The following DPRX variants were observed in gnomAD, a reference collection of about 807,000 sequenced individuals.
The protein encoded by DPRX is divergent-paired related homeobox, also known as divergent paired-related homeobox.
In DPRX, 11 loss-of-function variants were observed where a neutral mutation model predicts 8.4. The ratio of observed to expected loss-of-function variants is 1.31; its 90% CI spans 0.82 to 2.17. The LOEUF is 2.17. Ranked by LOEUF, DPRX falls within the 30% of genes most tolerant of loss-of-function variation. The pLI is 0.00. For synonymous variants in DPRX, 72 were observed against 87.0 expected (o/e 0.83, Z 0.96); for missense variants, 211 against 236.7 (o/e 0.89, Z 0.71).
the DPRX span, among the ~76,000 whole-genome samples, chr19:53,605,972 T>C: frequency 6.6e-6 from 1 of 152,136 alleles, no homozygotes; most frequent in Non-Finnish European, 1.5e-5. Context: ...CCTAGTCCCA[T>C]TTTCCTGTTA....
the DPRX span, among the ~76,000 whole-genome samples, chr19:53,620,653 C>T: frequency 2.6e-5 from 4 of 152,080 alleles, no homozygotes; most frequent in East Asian, 5.8e-4. Context: ...GTGTGAGCCA[C>T]CCCGCCCGGG....
intron 1 of DPRX, among the ~76,000 whole-genome samples, chr19:53,633,343 C>T (rs977290251): frequency 2.6e-5 from 4 of 152,082 alleles, no homozygotes; most frequent in African/African-American, 4.8e-5. Flanking sequence ...CTGCTTATTT[C>T]CTTGCTATAT....
the DPRX span, among the ~76,000 whole-genome samples, chr19:53,609,013 G>A: frequency 1.2e-4 from 18 of 146,398 alleles, no homozygotes; most frequent in East Asian, 2.0e-4. Flanking sequence ...GAAAGAAAGC[G>A]AGAAAGAAAA....
chr19:53,609,707 A>G, the DPRX span, among the ~76,000 whole-genome samples: 5 of 149,498 alleles, frequency 3.3e-5, no homozygotes, highest in African/African-American at 1.2e-4. Flanking sequence ...CTCTACTAAA[A>G]ATCCAAAAAT....
the DPRX span, chr19:53,602,175 T>C: frequency 6.6e-6 from 3 of 455,322 alleles, no homozygotes; most frequent in African/African-American, 2.0e-5. Context: ...TGGAAAAGGG[T>C]CAAGGTTGGG....
chr19:53,632,475 T>C (rs1454373330), intron 1 of DPRX, among the ~76,000 whole-genome samples: 7 of 151,888 alleles, frequency 4.6e-5, no homozygotes, highest in South Asian at 2.1e-4. Flanking sequence ...TAATTTTTTT[T>C]TTTTTTGTAT....
chr19:53,610,433 C>T, the DPRX span, among the ~76,000 whole-genome samples: 12 of 152,272 alleles, frequency 7.9e-5, no homozygotes, highest in South Asian at 1.2e-3. Flanking sequence ...CAAAATATCA[C>T]GTGCCCCATT....
intron 2 of DPRX, among the ~76,000 whole-genome samples, chr19:53,635,761 G>GT: frequency 6.6e-6 from 1 of 152,212 alleles, no homozygotes; most frequent in South Asian, 2.1e-4. Context: ...TATTGTGTTT[G>GT]TTTTTTCTCA....
the DPRX span, chr19:53,616,883 T>A: frequency 6.4e-7 from 1 of 1,555,542 alleles, no homozygotes; most frequent in Non-Finnish European, 8.9e-7. Context: ...TGGCTGCACA[T>A]GCCGTTGGCC....
chr19:53,636,438 A>G lies in DPRX; in HGVS notation c.184-158A>G, dbSNP rs550573412. Among the ~76,000 whole-genome samples, 1,071 of 118,586 alleles carry G rather than the reference A, an allele frequency of 9.0e-3. 17 individuals carry two copies. Among genetic ancestry groups the G allele is most frequent in the African/African-American group, 0.042 (1,029 of 24,716 alleles). The allele number at this position is 118,586 out of a possible 152,430, so 77.8% of individuals were successfully genotyped here. A position where few individuals can be genotyped will look rare whatever the true frequency, so the allele number is the denominator to read the frequency against. The stretch of plus-strand genomic sequence containing the variant: ...GGAGAGTTTAAGGGCCAAAAAAAGG[A>G]AAAAAAAAGAAAAGTTAAAAACTTA... On this transcript the variant is annotated intron_variant, in intron 2 of 2. Transcript: ENST00000376650.
At chr19:53,619,945 C>T in the DPRX span, among the ~76,000 whole-genome samples, 2 of 151,744 alleles carry the variant, frequency 1.3e-5, no homozygotes, top group East Asian at 1.9e-4. Context: ...AGACTGTTTA[C>T]GCTTCCTCTT....
At chr19:53,608,288 C>CCG in the DPRX span, 5 of 147,606 alleles carry the variant, frequency 3.4e-5, no homozygotes, top group African/African-American at 7.5e-5. Context: ...GTTGGACCAC[C>CCG]CCAGCTCGGC....
At chr19:53,613,738 A>C in the DPRX span, among the ~76,000 whole-genome samples, 1 of 151,848 alleles carries the variant, frequency 6.6e-6, no homozygotes, top group East Asian at 1.9e-4. Context: ...ATGCGTTTGG[A>C]ATCATTTCAA....
chr19:53,611,046 C>T, the DPRX span, among the ~76,000 whole-genome samples: 1 of 151,926 alleles, frequency 6.6e-6, no homozygotes, highest in African/African-American at 2.4e-5. Flanking sequence ...GGATTACAGG[C>T]AACCAACACC....
the DPRX span, among the ~76,000 whole-genome samples, chr19:53,610,665 G>A: frequency 0.17 from 25,688 of 152,098 alleles, 2,262 homozygotes; most frequent in South Asian, 0.28. Context: ...TAGGCTGCCT[G>A]CAGCTCAGGA....
At chr19:53,616,783 A>G in the DPRX span, 1 of 1,553,096 alleles carries the variant, frequency 6.4e-7, no homozygotes, top group East Asian at 2.3e-5. Context: ...GAGGCCGAGA[A>G]TGGCCCTTGC....
the DPRX span, among the ~76,000 whole-genome samples, chr19:53,625,291 G>A: frequency 6.6e-6 from 1 of 151,968 alleles, no homozygotes; most frequent in Non-Finnish European, 1.5e-5. Flanking sequence ...GGCCTCAAGC[G>A]ATCCTCCCGC....
chr19:53,627,124 C>G (rs1301068996), upstream of DPRX, among the ~76,000 whole-genome samples: 4 of 152,130 alleles, frequency 2.6e-5, no homozygotes, highest in African/African-American at 9.7e-5. Context: ...TACAAATCCT[C>G]GTACTTAGAC....
chr19:53,630,192 G>T (rs150378066), upstream of DPRX, among the ~76,000 whole-genome samples: 26 of 147,262 alleles, frequency 1.8e-4, no homozygotes, highest in East Asian at 5.2e-3. Context: ...TAACCTGGGC[G>T]ACAGAGTGAG....
Sources: gnomAD v4.1 joint callset for allele counts (sites outside exome capture counted in the v4.1 genomes callset) on GRCh38, gnomAD v4.1.1 for gene constraint, MANE v1.5 for transcripts, NCBI Gene and HGNC (gene_info 2026-07-23, HGNC 2026-07-21) for gene names.